Variants in STPG2 observed in about 807,000 individuals in gnomAD.
The protein encoded by STPG2 is sperm-tail PG-rich repeat-containing protein 2.
A neutral mutation model predicts 54.2 loss-of-function variants in STPG2; 56 were observed. That is an observed-to-expected ratio of 1.03 (90% CI 0.83 to 1.29). The LOEUF (loss-of-function observed/expected upper bound fraction) is 1.29. STPG2 is among the 50% of genes most tolerant of loss of function. The pLI is 0.00. For missense variants in STPG2, 596 were observed against 544.9 expected (o/e 1.09, Z -0.93); for synonymous variants, 200 against 181.8 (o/e 1.10, Z -0.81).
At chr4:97,635,031 A>G (rs540868843) in intron 10 of STPG2, among the ~76,000 whole-genome samples, 8 of 152,128 alleles carry the variant, frequency 5.3e-5, no homozygotes, top group African/African-American at 1.9e-4. Flanking sequence ...TCCAAGACAC[A>G]TAATTGTCAG....
intron 6 of STPG2, among the ~76,000 whole-genome samples, chr4:97,980,645 G>T (rs1341736789): frequency 1.3e-5 from 2 of 152,104 alleles, no homozygotes; most frequent in Non-Finnish European, 2.9e-5. Flanking sequence ...TAATAGAAAA[G>T]CCTGTTGTTT....
At chr4:97,604,100 C>G (rs1278283364) in intron 10 of STPG2, among the ~76,000 whole-genome samples, 1 of 151,520 alleles carries the variant, frequency 6.6e-6, no homozygotes, top group Non-Finnish European at 1.5e-5. Context: ...TCATGAAACT[C>G]GGAATCTGGG....
At chr4:97,594,645 A>G (rs527830538) in intron 10 of STPG2, among the ~76,000 whole-genome samples, 21 of 152,332 alleles carry the variant, frequency 1.4e-4, no homozygotes, top group South Asian at 6.2e-4. Flanking sequence ...GGAAATCCAG[A>G]TAAGACTTCT....
At chr4:98,005,277 C>T (rs1399795296) in intron 5 of STPG2, among the ~76,000 whole-genome samples, 1 of 152,124 alleles carries the variant, frequency 6.6e-6, no homozygotes, top group African/African-American at 2.4e-5. Flanking sequence ...AGTCCAGTGA[C>T]TCAAATGTTA....
intron 10 of STPG2, among the ~76,000 whole-genome samples, chr4:97,671,724 T>C (rs1722702613): frequency 6.6e-6 from 1 of 152,198 alleles, no homozygotes; most frequent in South Asian, 2.1e-4. Flanking sequence ...GTCACCTACA[T>C]GTACTTGAAA....
At chr4:97,820,836 C>T (rs887929980) in intron 9 of STPG2, among the ~76,000 whole-genome samples, 1 of 152,076 alleles carries the variant, frequency 6.6e-6, no homozygotes, top group Non-Finnish European at 1.5e-5. Context: ...AACTCATTCT[C>T]TATTGTAAGG....
At chr4:97,460,926 T>C (rs993938490) in intron 4 of STPG2, among the ~76,000 whole-genome samples, 1 of 152,216 alleles carries the variant, frequency 6.6e-6, no homozygotes, top group Non-Finnish European at 1.5e-5. Context: ...GTAATATGGA[T>C]CCATGTGGTT....
chr4:97,939,056 TCATTA>T (rs1167788357), intron 8 of STPG2, among the ~76,000 whole-genome samples: 1 of 152,202 alleles, frequency 6.6e-6, no homozygotes, highest in African/African-American at 2.4e-5. Flanking sequence ...TGCCTTAATT[TCATTA>T]TTTACCCAAA....
At chr4:97,506,287 T>C (rs758993165) in intron 4 of STPG2, among the ~76,000 whole-genome samples, 54 of 151,904 alleles carry the variant, frequency 3.6e-4, no homozygotes, top group Non-Finnish European at 6.3e-4. Flanking sequence ...AAAAAGTTAA[T>C]AGGCTGATCA....
chr4:98,069,926 G>A (rs948624405), intron 5 of STPG2, among the ~76,000 whole-genome samples: 3 of 151,934 alleles, frequency 2.0e-5, no homozygotes, highest in African/African-American at 7.3e-5. Flanking sequence ...AGGTTTGCCA[G>A]CAGCTCTGAT....
At chr4:97,556,842 C>T (rs1425406005), downstream of STPG2, among the ~76,000 whole-genome samples, 1 of 151,978 alleles carries the variant, frequency 6.6e-6, no homozygotes, top group Non-Finnish European at 1.5e-5. Context: ...AATAAGAGGA[C>T]CAAAGAGAAA....
intron 8 of STPG2, among the ~76,000 whole-genome samples, chr4:97,882,037 A>G (rs190090920): frequency 1.3e-5 from 2 of 152,008 alleles, no homozygotes; most frequent in African/African-American, 4.8e-5. Context: ...ACACACACAC[A>G]AAAAAAATAC....
intron 9 of STPG2, among the ~76,000 whole-genome samples, chr4:97,786,771 T>C (rs1490421304): frequency 6.6e-6 from 1 of 151,942 alleles, no homozygotes; most frequent in Non-Finnish European, 1.5e-5. Context: ...TCCAATGCAT[T>C]CATGCTACAC....
At chr4:98,133,010 A>C (rs1341969492) in intron 2 of STPG2, among the ~76,000 whole-genome samples, 1 of 151,446 alleles carries the variant, frequency 6.6e-6, no homozygotes, top group African/African-American at 2.4e-5. Flanking sequence ...CAAACCTTTC[A>C]AGGTTGTTTA....
rs548535356 is a variant in STPG2, at chr4:97,528,172, T to C, written c.462+184527A>G. The stretch of plus-strand genomic sequence containing the variant: ...CTTTAATCCCATCTTGAGTTAATTT[T>C]TGTATAAGGTGTAAGAAACGGATCC... On this transcript the variant is annotated intron_variant, in intron 4 of 4. Transcript: ENST00000522676. Among the ~76,000 whole-genome samples the C allele has an allele frequency of 2.4e-4, 37 of 152,328 alleles. No individual in the cohort carries two copies. The South Asian group carries it at 3.1e-3, about 13-fold the overall frequency.
intron 9 of STPG2, among the ~76,000 whole-genome samples, chr4:97,721,582 T>A (rs1261882164): frequency 6.6e-6 from 1 of 152,124 alleles, no homozygotes; most frequent in Non-Finnish European, 1.5e-5. Context: ...TGAAAGGAAG[T>A]ATACTCTATA....
rs191752233 is a variant in STPG2 at position 97,914,249 on chromosome 4, G to T, written c.1044+29648C>A. On this transcript the variant is annotated intron_variant, in intron 8 of 10. Transcript: ENST00000295268. Reference sequence around the variant, plus strand: ...TATATTCCAAGAAATTTCTTTTAAGGTAAACACAACTAATCTGAGGATTCT... The same window carrying T: ...TATATTCCAAGAAATTTCTTTTAAGTTAAACACAACTAATCTGAGGATTCT... 2.6e-3 allele frequency among the ~76,000 whole-genome samples: 392 copies of T among 152,034 alleles called. 3 individuals are homozygous for T. The highest frequency in any genetic ancestry group is 8.8e-3 in the African/African-American group (366 of 41,488).
chr4:97,521,983 G>A (rs1251020726), intron 4 of STPG2, among the ~76,000 whole-genome samples: 1 of 151,842 alleles, frequency 6.6e-6, no homozygotes, highest in East Asian at 1.9e-4. Context: ...AAATATTAGT[G>A]GTAATGAGAT....
chr4:97,549,690 C>T (rs931881547), intron 4 of STPG2, among the ~76,000 whole-genome samples: 1 of 152,002 alleles, frequency 6.6e-6, no homozygotes, highest in Non-Finnish European at 1.5e-5. Context: ...AGAAGGGCAA[C>T]TACAGAGAAG....
Sources: gnomAD v4.1 joint callset for allele counts (sites outside exome capture counted in the v4.1 genomes callset) on GRCh38, gnomAD v4.1.1 for gene constraint, MANE v1.5 for transcripts, NCBI Gene and HGNC (gene_info 2026-07-23, HGNC 2026-07-21) for gene names.